Variants in VWC2 observed in about 807,000 individuals in gnomAD.
VWC2 encodes von Willebrand factor C domain containing 2.
A neutral mutation model predicts 29.8 loss-of-function variants in VWC2; 14 were observed. That is an observed-to-expected ratio of 0.47 (90% CI 0.31 to 0.74). The LOEUF (loss-of-function observed/expected upper bound fraction) is 0.74. Ranked by LOEUF, VWC2 falls within the 30% of genes least tolerant of loss-of-function variation. The pLI is 0.05. For missense variants in VWC2, 457 were observed against 459.8 expected (o/e 0.99, Z 0.05); for synonymous variants, 213 against 199.0 (o/e 1.07, Z -0.59).
At chr7:49,813,343 GCCT>G (rs1789057000) in intron 3 of VWC2, among the ~76,000 whole-genome samples, 1 of 152,224 alleles carries the variant, frequency 6.6e-6, no homozygotes, top group Non-Finnish European at 1.5e-5. Context: ...CACTTCGAAG[GCCT>G]GGTGAAACAC....
chr7:49,799,306 T>A (rs1345499913), intron 2 of VWC2, among the ~76,000 whole-genome samples: 1 of 152,230 alleles, frequency 6.6e-6, no homozygotes, highest in Non-Finnish European at 1.5e-5. Context: ...ATAAACCAAG[T>A]GAAGGCAGGG....
At chr7:49,842,879 T>A (rs997911105) in intron 3 of VWC2, among the ~76,000 whole-genome samples, 3 of 152,164 alleles carry the variant, frequency 2.0e-5, no homozygotes, top group African/African-American at 7.2e-5. Flanking sequence ...ATATTATTCA[T>A]CTCCCGTTTC....
At chr7:49,906,345 T>G (rs1905269) in intron 3 of VWC2, among the ~76,000 whole-genome samples, 4,376 of 152,036 alleles carry the variant, frequency 0.029, 237 homozygotes, top group African/African-American at 0.1. Flanking sequence ...AATTTTCTCT[T>G]TTTTTTTGAG....
intron 3 of VWC2, among the ~76,000 whole-genome samples, chr7:49,840,913 T>A (rs1389973652): frequency 3.3e-5 from 5 of 152,140 alleles, no homozygotes; most frequent in African/African-American, 1.2e-4. Flanking sequence ...TGAAAGCTGG[T>A]CAACACTATA....
chr7:49,775,401 T>TGG lies in VWC2; in HGVS notation c.-35_-34insGG. On this transcript the variant is annotated 5_prime_UTR_variant, in exon 2 of 4. An upstream open reading frame in the 5' UTR loses its in-frame stop. Coordinates refer to ENST00000340652, the MANE Select transcript of VWC2 (RefSeq NM_198570.5). Reference sequence around the variant, plus strand: ...AATGCGACTCGCCCCTCGGCCGCGCTCCCCGCCCGCCCGCCCGCCGGGACG... The same window carrying TGG: ...AATGCGACTCGCCCCTCGGCCGCGCTGGCCCCGCCCGCCCGCCCGCCGGGACG... 3.7e-6 allele frequency: 4 copies of TGG among 1,072,722 alleles called. No homozygotes were observed. The highest frequency in any genetic ancestry group is 4.8e-6 in the Non-Finnish European group (4 of 829,150). 66.5% of individuals were successfully genotyped at this position (1,072,722 alleles called of 1,614,324 possible).
intron 3 of VWC2, among the ~76,000 whole-genome samples, chr7:49,909,833 G>A (rs1386219451): frequency 6.6e-6 from 1 of 152,182 alleles, no homozygotes; most frequent in Non-Finnish European, 1.5e-5. Flanking sequence ...GCTGGGTGCG[G>A]CAACTCATTC....
chr7:49,862,926 T>A (rs1173390331), intron 3 of VWC2, among the ~76,000 whole-genome samples: 2 of 152,194 alleles, frequency 1.3e-5, no homozygotes, highest in Admixed American at 1.3e-4. Context: ...TTACCTATAC[T>A]TTTCTTGTGA....
Position 49,788,702 on chromosome 7 carries a change from TGTGA to T in VWC2, c.696+12573_696+12576del, listed in dbSNP as rs970777369. On this transcript the variant is annotated intron_variant, in intron 2 of 3. Transcript: ENST00000340652. Reference sequence around the variant, plus strand: ...GTGTGGGTGTGTGAGGGTGTGTGTGTGTGAGAGGATGTATGGGTGTGGGGTGTGT... The same window carrying T: ...GTGTGGGTGTGTGAGGGTGTGTGTGTGAGGATGTATGGGTGTGGGGTGTGT... Among the ~76,000 whole-genome samples the T allele has an allele frequency of 1.1e-4, 16 of 139,408 alleles. No homozygotes were observed. The South Asian group carries it at 1.2e-3, about 11-fold the overall frequency. 91.5% of individuals were successfully genotyped at this position (139,408 alleles called of 152,430 possible). A position where few individuals can be genotyped will look rare whatever the true frequency, so the allele number is the denominator to read the frequency against.
intron 3 of VWC2, among the ~76,000 whole-genome samples, chr7:49,910,668 GATC>G (rs1417746023): frequency 6.6e-6 from 1 of 152,154 alleles, no homozygotes; most frequent in African/African-American, 2.4e-5. Context: ...CCATGTCCTT[GATC>G]TTAACATAAA....
At chr7:49,874,556 G>A (rs1452450571) in intron 3 of VWC2, among the ~76,000 whole-genome samples, 2 of 152,058 alleles carry the variant, frequency 1.3e-5, no homozygotes, top group African/African-American at 4.8e-5. Context: ...ATATGTGTGT[G>A]TGTGTGTGTG....
At chr7:49,876,278 G>A (rs1229191016) in intron 3 of VWC2, among the ~76,000 whole-genome samples, 1 of 152,116 alleles carries the variant, frequency 6.6e-6, no homozygotes, top group Non-Finnish European at 1.5e-5. Context: ...TTTCATTATA[G>A]GGAGAAGTTG....
intron 2 of VWC2, among the ~76,000 whole-genome samples, chr7:49,792,798 A>T (rs527395156): frequency 6.6e-6 from 1 of 152,124 alleles, no homozygotes; most frequent in Non-Finnish European, 1.5e-5. Context: ...GGGAAGCCTC[A>T]TGGGGTTTCA....
intron 3 of VWC2, among the ~76,000 whole-genome samples, chr7:49,825,887 G>A (rs755405566): frequency 6.6e-6 from 1 of 152,152 alleles, no homozygotes; most frequent in Non-Finnish European, 1.5e-5. Context: ...GTTGGCCAGA[G>A]TTACAGGCAG....
At position 49,904,373 on chromosome 7, in the gene VWC2, C is replaced by T. The variant is rs369593463; in HGVS notation, c.827-7661C>T. Among the ~76,000 whole-genome samples the T allele has an allele frequency of 1.5e-3, 235 of 152,242 alleles. 12 individuals carry two copies. In the South Asian group the frequency reaches 0.048, roughly 31 times the overall value. On this transcript the variant is annotated intron_variant, in intron 3 of 3. Coordinates refer to ENST00000340652, the MANE Select transcript of VWC2 (RefSeq NM_198570.5). ...CTGAGTGAAGGCTGCATAGGACCTC[C>T]TACTCCCTTTGCAACTTCCAGGTTT...
chr7:49,807,209 T>G (rs1788899468), intron 3 of VWC2, among the ~76,000 whole-genome samples: 1 of 152,220 alleles, frequency 6.6e-6, no homozygotes, highest in African/African-American at 2.4e-5. Context: ...CACAAAGATG[T>G]GAGTCTGCTT....
chr7:49,870,515 A>G (rs1243287109), intron 3 of VWC2, among the ~76,000 whole-genome samples: 1 of 152,236 alleles, frequency 6.6e-6, no homozygotes, highest in Non-Finnish European at 1.5e-5. Flanking sequence ...TGAATATAAA[A>G]CTAAACATTT....
chr7:49,908,303 T>A (rs1314836419), intron 3 of VWC2, among the ~76,000 whole-genome samples: 2 of 152,198 alleles, frequency 1.3e-5, no homozygotes, highest in Non-Finnish European at 2.9e-5. Context: ...AGACAGGTTT[T>A]CAGGTTAACT....
intron 3 of VWC2, among the ~76,000 whole-genome samples, chr7:49,880,205 A>G (rs1791605986): frequency 6.6e-6 from 1 of 152,150 alleles, no homozygotes; most frequent in Non-Finnish European, 1.5e-5. Context: ...TTACTTCTTC[A>G]TATGATAATG....
At chr7:49,798,439 G>A (rs1451824592) in intron 2 of VWC2, among the ~76,000 whole-genome samples, 1 of 152,212 alleles carries the variant, frequency 6.6e-6, no homozygotes, top group African/African-American at 2.4e-5. Context: ...TAGAACCCAC[G>A]GCTGGAGCCA....
Sources: gnomAD v4.1 joint callset for allele counts (sites outside exome capture counted in the v4.1 genomes callset) on GRCh38, gnomAD v4.1.1 for gene constraint, MANE v1.5 for transcripts, NCBI Gene and HGNC (gene_info 2026-07-23, HGNC 2026-07-21) for gene names.